Variants in CYSTM1 observed in about 807,000 individuals in gnomAD.
CYSTM1 encodes the protein cysteine-rich transmembrane module-containing protein 1.
CYSTM1 carries 4 observed loss-of-function variants against 13.1 expected under a neutral mutation model. The ratio of observed to expected loss-of-function variants is 0.31; its 90% CI spans 0.15 to 0.70. The LOEUF is 0.70. Ranked by LOEUF, CYSTM1 falls within the 30% of genes least tolerant of loss-of-function variation. The pLI, the probability that CYSTM1 is intolerant of heterozygous loss-of-function variation, is 0.72. For missense variants in CYSTM1, 96 were observed against 121.6 expected, an observed-to-expected ratio of 0.79 and a Z score of 0.99; for synonymous variants, 36 against 42.7, an observed-to-expected ratio of 0.84 and a Z score of 0.62.
intron 2 of CYSTM1, among the ~76,000 whole-genome samples, chr5:140,226,534 A>T (rs10073049): frequency 2.6e-5 from 3 of 114,546 alleles, no homozygotes; most frequent in Admixed American, 1.2e-4. Context: ...TAATATATTT[A>T]TATATATTAA....
At chr5:140,189,315 C>A (rs1378985534) in intron 1 of CYSTM1, among the ~76,000 whole-genome samples, 1 of 151,992 alleles carries the variant, frequency 6.6e-6, no homozygotes, top group Non-Finnish European at 1.5e-5. Context: ...AGTCTGAGAT[C>A]TCCCCCCACT....
intron 1 of CYSTM1, among the ~76,000 whole-genome samples, chr5:140,189,335 C>T (rs943842104): frequency 6.6e-6 from 1 of 150,846 alleles, no homozygotes; most frequent in African/African-American, 2.4e-5. Flanking sequence ...TCTCTTGCCC[C>T]CTCTCTCATC....
In CYSTM1 at chr5:140,239,902, G is replaced by A. The variant is rs528572632; in HGVS notation, c.188-3403G>A. Among the ~76,000 whole-genome samples, 11 of 152,312 alleles carry A rather than the reference G, an allele frequency of 7.2e-5. No homozygotes were observed. In the East Asian group the frequency reaches 1.5e-3, roughly 21 times the overall value. On this transcript the variant is annotated intron_variant, in intron 2 of 2. Transcript: ENST00000261811. This position sits in a 1 kb window ranked among gnomAD's most constrained non-coding sequence, Gnocchi z 5.4. ...GAATAGTCCCTTCTTCTCTGGGGCC[G>A]GTTGAATAGGGTGGTCTGAGACACT...
chr5:140,225,079 A>AGCAGAGGTTAAAGGATTGCTTGAGC (rs1324725001), intron 2 of CYSTM1, among the ~76,000 whole-genome samples: 3 of 152,190 alleles, frequency 2.0e-5, no homozygotes, highest in Non-Finnish European at 2.9e-5. Context: ...CTACTTGGGA[A>AGCAGAGGTTAAAGGATTGCTTGAGC]GCAGAGGTTA....
chr5:140,178,001 C>T (rs1763912430), intron 1 of CYSTM1, among the ~76,000 whole-genome samples: 1 of 152,136 alleles, frequency 6.6e-6, no homozygotes, highest in Non-Finnish European at 1.5e-5. Flanking sequence ...CCCAAGCCAC[C>T]CCCACAAGTT....
At position 140,239,502 on chromosome 5, in the gene CYSTM1, C is replaced by T. The variant is rs1199838277; in HGVS notation, c.188-3803C>T. Among the ~76,000 whole-genome samples, 1 of 152,204 alleles carries T rather than the reference C, an allele frequency of 6.6e-6. No homozygotes were observed. The highest frequency in any genetic ancestry group is 1.5e-5 in the Non-Finnish European group (1 of 68,032). ...AAGACCCCAGGGCTTGTTGGACAGG[C>T]CTGGCATCGTCCATCTATCTTTTCT... On this transcript the variant is annotated intron_variant, in intron 2 of 2. Transcript: ENST00000261811. The surrounding 1 kb of genome is among the most constrained non-coding windows in gnomAD (Gnocchi z 5.4).
intron 2 of CYSTM1, among the ~76,000 whole-genome samples, chr5:140,198,348 G>A (rs865934029): frequency 1.3e-5 from 2 of 152,156 alleles, no homozygotes; most frequent in Admixed American, 6.5e-5. Flanking sequence ...TTCTTGCTTC[G>A]TGTGATCTTT....
chr5:140,207,987 T>TG (rs1297547578), intron 2 of CYSTM1, among the ~76,000 whole-genome samples: 1 of 152,112 alleles, frequency 6.6e-6, no homozygotes, highest in Non-Finnish European at 1.5e-5. Flanking sequence ...TGTACACTGT[T>TG]GGGGGGAATG....
chr5:140,238,752 A>G (rs1349541391), intron 2 of CYSTM1, among the ~76,000 whole-genome samples: 1 of 152,182 alleles, frequency 6.6e-6, no homozygotes, highest in Non-Finnish European at 1.5e-5. Flanking sequence ...CTACCTCTGC[A>G]TCTGAGCAGT....
At chr5:140,242,875 G>A (rs1280043780) in intron 2 of CYSTM1, among the ~76,000 whole-genome samples, 3 of 152,202 alleles carry the variant, frequency 2.0e-5, no homozygotes, top group Non-Finnish European at 2.9e-5. Flanking sequence ...TATTCTTTAA[G>A]GGTTTAAAGC....
At position 140,175,969 on chromosome 5, in the gene CYSTM1, G is replaced by A. The variant is rs368769545; in HGVS notation, c.-21+684G>A. 6.6e-5 allele frequency among the ~76,000 whole-genome samples: 10 copies of A among 152,318 alleles called. No homozygotes were observed. The highest frequency in any genetic ancestry group is 1.9e-4 in the East Asian group (1 of 5,184). On this transcript the variant is annotated intron_variant, in intron 1 of 2. Transcript: ENST00000261811. This position sits in a 1 kb window ranked among gnomAD's most constrained non-coding sequence, Gnocchi z 4.9. ...CTCCCGGTAGCAGTGGAGGTTGCAG[G>A]GGGGAGAGAAGGAGGGGAGGACCCC... is the stretch of plus-strand genomic sequence containing the variant.
At chr5:140,233,273 T>C (rs1361557831) in intron 2 of CYSTM1, among the ~76,000 whole-genome samples, 1 of 152,208 alleles carries the variant, frequency 6.6e-6, no homozygotes, top group Non-Finnish European at 1.5e-5. Flanking sequence ...CATTCCAGGA[T>C]ACTGCCTTGC....
chr5:140,198,311 T>C (rs1475890250), intron 2 of CYSTM1, among the ~76,000 whole-genome samples: 3 of 152,358 alleles, frequency 2.0e-5, no homozygotes, highest in East Asian at 1.9e-4. Flanking sequence ...TTATTTCTCA[T>C]GATTCTCTGA....
At chr5:140,197,032 T>A (rs1006246123) in intron 2 of CYSTM1, among the ~76,000 whole-genome samples, 1 of 152,240 alleles carries the variant, frequency 6.6e-6, no homozygotes, top group African/African-American at 2.4e-5. Flanking sequence ...AGCCCAGCAT[T>A]TGAGTTATCC....
chr5:140,228,199 A>G (rs1018484220), intron 2 of CYSTM1, among the ~76,000 whole-genome samples: 1 of 152,196 alleles, frequency 6.6e-6, no homozygotes, highest in African/African-American at 2.4e-5. Flanking sequence ...AATTCCAGAT[A>G]CAAATTTTCT....
At chr5:140,232,334 G>A (rs1044898602) in intron 2 of CYSTM1, among the ~76,000 whole-genome samples, 2 of 152,200 alleles carry the variant, frequency 1.3e-5, no homozygotes, top group African/African-American at 4.8e-5. Context: ...GAGAGCCTTG[G>A]CATGTTGATG....
At chr5:140,226,613 A>ATATATATATATATATATATATATATATAT (rs61099181) in intron 2 of CYSTM1, among the ~76,000 whole-genome samples, 2 of 85,274 alleles carry the variant, frequency 2.3e-5, no homozygotes, top group Non-Finnish European at 4.4e-5. Flanking sequence ...TATATATATA[A>ATATATATATATATATATATATATATATAT]AAATTAGCCA....
intron 2 of CYSTM1, among the ~76,000 whole-genome samples, chr5:140,242,568 C>T (rs1334958749): frequency 6.6e-6 from 1 of 152,156 alleles, no homozygotes; most frequent in Non-Finnish European, 1.5e-5. Flanking sequence ...AAGCTAATGC[C>T]GCAAATCAGC....
chr5:140,243,406 A>C lies in CYSTM1; in HGVS notation c.289A>C (p.Thr97Pro), dbSNP rs1405199895. 6.2e-7 allele frequency: 1 copy of C among 1,613,748 alleles called. No homozygotes were observed. Residue 97 changes from threonine (T) to proline (P), a missense_variant, in exon 3 of 3, where the codon ACC (threonine) becomes CCC (proline). Coordinates refer to ENST00000261811, the MANE Select transcript of CYSTM1 (RefSeq NM_032412.4). ...LCCCCLWDML[T>P] ...TTGCTGCTGTCTCTGGGACATGCTC[A>C]CCTGACCAGACCAGCCCAGCCGTCC...
Sources: allele counts gnomAD v4.1 joint callset (sites outside exome capture counted in the v4.1 genomes callset), GRCh38; gene constraint gnomAD v4.1.1; non-coding constraint Gnocchi (gnomAD v3.1); transcripts MANE v1.5; gene names NCBI Gene and HGNC (gene_info 2026-07-23, HGNC 2026-07-21).